Variants in NIPAL3 observed in about 807,000 individuals in gnomAD.
NIPAL3 encodes NIPA-like protein 3.
NIPAL3 carries 41 observed loss-of-function variants against 47.2 expected under a neutral mutation model. The ratio of observed to expected loss-of-function variants is 0.87; its 90% CI spans 0.68 to 1.13. NIPAL3 has a LOEUF of 1.13. Ranked by LOEUF, NIPAL3 falls within the 50% of genes most tolerant of loss-of-function variation. The pLI is 0.00. For synonymous variants in NIPAL3, 194 were observed against 209.6 expected (o/e 0.93, Z 0.64); for missense variants, 449 against 530.1 (o/e 0.85, Z 1.50).
intron 10 of NIPAL3, 70 bp from the exon 11 acceptor site, chr1:24,463,956 G>T: frequency 1.5e-6 from 2 of 1,325,844 alleles, no homozygotes; most frequent in Non-Finnish European, 1.1e-6. Flanking sequence ...CATCACCTGA[G>T]CCTGAAAGTG....
chr1:24,470,599 A>T lies in NIPAL3; in HGVS notation c.*1414A>T, dbSNP rs1364454534. On this transcript the variant is annotated 3_prime_UTR_variant, in exon 12 of 12. Coordinates refer to ENST00000374399, the MANE Select transcript of NIPAL3 (RefSeq NM_020448.5). ...TGGAAGGTTAAATACTCCCCATAGG[A>T]TCTGTGGCATTTCTCCATCCAATGA... 1.3e-5 allele frequency: 2 copies of T among 152,184 alleles called. No homozygotes were observed. Among genetic ancestry groups the T allele is most frequent in the African/African-American group, 4.8e-5 (2 of 41,422 alleles). 9.4% of individuals were successfully genotyped at this position (152,184 alleles called of 1,614,324 possible). A position where few individuals can be genotyped will look rare whatever the true frequency, so the allele number is the denominator to read the frequency against.
At chr1:24,422,881 A>T (rs1437674841) in intron 2 of NIPAL3, among the ~76,000 whole-genome samples, 1 of 152,236 alleles carries the variant, frequency 6.6e-6, no homozygotes, top group African/African-American at 2.4e-5. Context: ...TAGCCTTTTT[A>T]TTGACATATG....
At chr1:24,430,450 G>A (rs7551521) in intron 2 of NIPAL3, among the ~76,000 whole-genome samples, 65,050 of 151,764 alleles carry the variant, frequency 0.43, 15,257 homozygotes, top group African/African-American at 0.64. Context: ...GGGTTTCACC[G>A]TGTTGGCCAG....
chr1:24,469,388 A>G lies in NIPAL3; in HGVS notation c.*203A>G. On this transcript the variant is annotated 3_prime_UTR_variant, in exon 12 of 12. Coordinates refer to ENST00000374399, the MANE Select transcript of NIPAL3 (RefSeq NM_020448.5). The stretch of plus-strand genomic sequence containing the variant: ...ATGATGAGGGTTGGGGGATGGAAGC[A>G]TTATTCCAGGTGGACGGGATAGAAT... 1.8e-6 allele frequency: 1 copy of G among 558,494 alleles called. No homozygotes were observed. The highest frequency in any genetic ancestry group is 3.2e-6 in the Non-Finnish European group (1 of 316,014). 34.6% of individuals were successfully genotyped at this position (558,494 alleles called of 1,614,324 possible). A position where few individuals can be genotyped will look rare whatever the true frequency, so the allele number is the denominator to read the frequency against.
At chr1:24,417,003 G>A (rs6669871) in intron 1 of NIPAL3, 16,751 of 152,296 alleles carry the variant, frequency 0.11, 973 homozygotes, top group African/African-American at 0.13. Context: ...TTGACATGTC[G>A]CTAAGGTCTG....
At chr1:24,431,183 G>A (rs1177942963) in intron 2 of NIPAL3, among the ~76,000 whole-genome samples, 2 of 152,170 alleles carry the variant, frequency 1.3e-5, no homozygotes, top group Non-Finnish European at 2.9e-5. Flanking sequence ...TCATTCTTGG[G>A]ATGGGCGTTA....
chr1:24,423,938 G>C (rs1001405396), intron 2 of NIPAL3, among the ~76,000 whole-genome samples: 1 of 152,144 alleles, frequency 6.6e-6, no homozygotes, highest in African/African-American at 2.4e-5. Context: ...TGAAAGGCAT[G>C]CTCCTTAGAA....
At chr1:24,435,271 G>A (rs947453988) in intron 2 of NIPAL3, among the ~76,000 whole-genome samples, 6 of 152,162 alleles carry the variant, frequency 3.9e-5, no homozygotes, top group African/African-American at 7.2e-5. Context: ...AAAATGGATC[G>A]GAGAGCTAAA....
At chr1:24,457,926 G>T in intron 8 of NIPAL3, 1 of 444,846 alleles carries the variant, frequency 2.2e-6, no homozygotes. Context: ...GTCATCACCT[G>T]GAAGCCCCTG....
chr1:24,415,835 G>C lies in NIPAL3; in HGVS notation c.-327G>C. 1 of 985,478 alleles carries C rather than the reference G, an allele frequency of 1.0e-6. No individual in the cohort carries two copies. Among genetic ancestry groups the C allele is most frequent in the Non-Finnish European group, 1.2e-6 (1 of 829,948 alleles). 61.0% of individuals were successfully genotyped at this position (985,478 alleles called of 1,614,324 possible). ...AAGGGATGAAGGAGGCTGTGCCTCC[G>C]GGTTGCACGAAGAGTCCGAGTCATT... On this transcript the variant is annotated 5_prime_UTR_variant, in exon 1 of 12. Coordinates refer to ENST00000374399, the MANE Select transcript of NIPAL3 (RefSeq NM_020448.5).
At chr1:24,453,809 G>A (rs1312146257) in intron 7 of NIPAL3, among the ~76,000 whole-genome samples, 1 of 152,174 alleles carries the variant, frequency 6.6e-6, no homozygotes, top group Non-Finnish European at 1.5e-5. Flanking sequence ...GTGAGGATGA[G>A]GTGAGTTAGT....
At position 24,442,127 on chromosome 1, in the gene NIPAL3, G is replaced by A. The variant is rs749606957; in HGVS notation, c.235G>A (p.Gly79Ser). Residue 79 changes from glycine to serine, a missense_variant, in exon 4 of 12, where the codon GGC becomes AGC. Physicochemically the swap from Gly to Ser is moderately conservative, Grantham distance 56. Transcript: ENST00000374399. ...TTTCAAGACCAAGACATGGTGGCTG[G>A]GCCTGTTCCTGATGCTTCTGGGCGA... Reference protein sequence around the residue: ...AYFKTKTWWLGLFLMLLGELG... With the variant: ...AYFKTKTWWLSLFLMLLGELG... 1.2e-6 allele frequency: 2 copies of A among 1,614,164 alleles called. No homozygotes were observed. Among genetic ancestry groups the A allele is most frequent in the Non-Finnish European group, 1.7e-6 (2 of 1,180,020 alleles).
chr1:24,442,002 G>A, intron 3 of NIPAL3, 53 bp from the exon 4 acceptor site: 1 of 1,583,724 alleles, frequency 6.3e-7, no homozygotes, highest in Non-Finnish European at 8.6e-7. Flanking sequence ...CTACATCATA[G>A]CATTTTTTTC....
At chr1:24,414,309 G>A (rs985748075), upstream of NIPAL3, 1 of 151,528 alleles carries the variant, frequency 6.6e-6, no homozygotes, top group Non-Finnish European at 1.5e-5. Flanking sequence ...GCCTCCCAAA[G>A]TGTTGGGATT....
Position 24,416,122 on chromosome 1 carries a change from GC to G in NIPAL3, c.-258+220del. ...CATGGGCTACCTTACTAAAGGTGAT[GC>G]CAGGCTCTACCAAACCAGGAAGTGA... On this transcript the variant is annotated intron_variant, in intron 1 of 11. Transcript: ENST00000374399. The surrounding 1 kb of genome is among the most constrained non-coding windows in gnomAD (Gnocchi z 4.8). The G allele has an allele frequency of 1.0e-6, 1 of 985,454 alleles. No individual in the cohort carries two copies. The highest frequency in any genetic ancestry group is 1.1e-4 in the East Asian group (1 of 8,818). 61.0% of individuals were successfully genotyped at this position (985,454 alleles called of 1,614,324 possible). A position where few individuals can be genotyped will look rare whatever the true frequency, so the allele number is the denominator to read the frequency against.
In NIPAL3 at chr1:24,451,097, G is replaced by T. The variant is rs1343637390; in HGVS notation, c.540+1471G>T. 6.6e-6 allele frequency among the ~76,000 whole-genome samples: 1 copy of T among 152,160 alleles called. No homozygotes were observed. The highest frequency in any genetic ancestry group is 2.4e-5 in the African/African-American group (1 of 41,426). On this transcript the variant is annotated intron_variant, in intron 6 of 11. Transcript: ENST00000374399. The surrounding 1 kb of genome is among the most constrained non-coding windows in gnomAD (Gnocchi z 4.5). ...CTCTGTAAAGTGGCAAGAATCTCTGGACTTAAAATTGCTATTGGGAGATCC... is the reference window on the plus strand; with the variant it reads ...CTCTGTAAAGTGGCAAGAATCTCTGTACTTAAAATTGCTATTGGGAGATCC...
intron 2 of NIPAL3, among the ~76,000 whole-genome samples, chr1:24,439,029 G>T (rs1329508478): frequency 6.6e-6 from 1 of 152,026 alleles, no homozygotes; most frequent in Non-Finnish European, 1.5e-5. Context: ...TAATAGACAC[G>T]GGGGACTCCA....
chr1:24,462,592 C>A (rs985420134), intron 10 of NIPAL3, among the ~76,000 whole-genome samples: 1 of 151,306 alleles, frequency 6.6e-6, no homozygotes, highest in Non-Finnish European at 1.5e-5. Flanking sequence ...AGTGGCAAAA[C>A]CCTGTCTCTA....
intron 7 of NIPAL3, chr1:24,453,922 T>C: frequency 2.4e-6 from 1 of 423,400 alleles, no homozygotes; most frequent in Non-Finnish European, 4.6e-6. Flanking sequence ...GATTCAAAGG[T>C]AAAACTAGAT....
Sources: gnomAD v4.1 joint callset for allele counts (sites outside exome capture counted in the v4.1 genomes callset) on GRCh38, gnomAD v4.1.1 for gene constraint, Gnocchi (gnomAD v3.1) non-coding constraint, MANE v1.5 for transcripts, NCBI Gene and HGNC (gene_info 2026-07-23, HGNC 2026-07-21) for gene names.